The following ATP2A3 variants were observed in gnomAD, a reference collection of about 807,000 sequenced individuals.
ATP2A3 encodes the protein sarcoplasmic/endoplasmic reticulum calcium ATPase 3.
A neutral mutation model predicts 106.8 loss-of-function variants in ATP2A3; 61 were observed. That is an observed-to-expected ratio of 0.57 (90% CI 0.46 to 0.71). ATP2A3 has a LOEUF of 0.71. Ranked by LOEUF, ATP2A3 falls within the 30% of genes least tolerant of loss-of-function variation. The pLI is 0.00. For missense variants in ATP2A3, 1,201 were observed against 1,423.5 expected (o/e 0.84, Z 2.52); for synonymous variants, 611 against 609.3 (o/e 1.00, Z -0.04).
chr17:3,927,079 A>G (rs1234919155), intron 20 of ATP2A3: 1 of 985,288 alleles, frequency 1.0e-6, no homozygotes, highest in African/African-American at 1.7e-5. Flanking sequence ...CACCAGGTTC[A>G]ATCCTGTTCT....
At position 3,955,014 on chromosome 17, in the gene ATP2A3, G is replaced by A. The variant is rs1324100143; in HGVS notation, c.119-1304C>T. Among the ~76,000 whole-genome samples the A allele has an allele frequency of 1.3e-5, 2 of 152,206 alleles. No homozygotes were observed. The highest frequency in any genetic ancestry group is 3.9e-4 in the East Asian group (2 of 5,188). Reference sequence around the variant, plus strand: ...AGTGAGTGGGTCTGTGTGGGGATGAGAGGGGCGGGAGCCAGGCTCTGCAGG... The same window carrying A: ...AGTGAGTGGGTCTGTGTGGGGATGAAAGGGGCGGGAGCCAGGCTCTGCAGG... On this transcript the variant is annotated intron_variant, in intron 1 of 20. Coordinates refer to ENST00000397041, the MANE Select transcript of ATP2A3 (RefSeq NM_005173.4). This position sits in a 1 kb window ranked among gnomAD's most constrained non-coding sequence, Gnocchi z 4.2.
chr17:3,962,063 A>G (rs1177571735), intron 1 of ATP2A3, among the ~76,000 whole-genome samples: 4 of 152,144 alleles, frequency 2.6e-5, no homozygotes, highest in Admixed American at 2.0e-4. Context: ...CCCAGCCCCA[A>G]TCAGTGATCT....
chr17:3,947,456 A>C lies in ATP2A3; in HGVS notation c.1030T>G (p.Cys344Gly). Residue 344 changes from cysteine (C) to glycine (G), a missense_variant, in exon 8 of 21, where the codon TGC (cysteine) becomes GGC (glycine). Around this residue, in one of 2 missense-constraint regions of ATP2A3, gnomAD observed 935 missense variants for 1,176.7 expected, o/e 0.79. Transcript: ENST00000397041. The surrounding 1 kb of genome is among the most constrained non-coding windows in gnomAD (Gnocchi z 7.7). Reference protein sequence around the residue: ...RSLPSVETLGCTSVICSDKTG... With the variant: ...RSLPSVETLGGTSVICSDKTG... The stretch of plus-strand genomic sequence containing the variant: ...TTGTCGGAGCAGATGACTGAGGTGC[A>C]GCCCAGGGTCTCCACGGACGGCAGG... 1 of 1,613,918 alleles carries C rather than the reference A, an allele frequency of 6.2e-7. No individual in the cohort carries two copies. The highest frequency in any genetic ancestry group is 1.1e-5 in the South Asian group (1 of 91,092).
intron 7 of ATP2A3, among the ~76,000 whole-genome samples, chr17:3,948,455 T>C (rs1039027214): frequency 6.6e-6 from 1 of 152,168 alleles, no homozygotes; most frequent in Admixed American, 6.5e-5. Context: ...CTGTTGGGGC[T>C]GGCGAGAAGG....
At chr17:3,940,949 G>A in intron 14 of ATP2A3, 22 bp downstream of exon 14, 1 of 1,613,676 alleles carries the variant, frequency 6.2e-7, no homozygotes, top group Non-Finnish European at 8.5e-7. Context: ...CCCCCTCCTG[G>A]GGCTCCAGGC....
At chr17:3,932,117 A>G (rs1421533144) in intron 17 of ATP2A3, among the ~76,000 whole-genome samples, 2 of 149,324 alleles carry the variant, frequency 1.3e-5, no homozygotes, top group Admixed American at 1.3e-4. Context: ...GCAAGTGGAT[A>G]TGTCTTGTTT....
Position 3,936,936 on chromosome 17 carries a change from C to T in ATP2A3, c.2322-467G>A, listed in dbSNP as rs6502758. 0.17 allele frequency: 56,543 copies of T among 324,086 alleles called. 5,284 individuals are homozygous for T. The highest frequency in any genetic ancestry group is 0.23 in the Middle Eastern group (204 of 902). The allele number at this position is 324,086 out of a possible 1,614,324, so 20.1% of individuals were successfully genotyped here. On this transcript the variant is annotated intron_variant, in intron 15 of 20. Coordinates refer to ENST00000397041, the MANE Select transcript of ATP2A3 (RefSeq NM_005173.4). The surrounding 1 kb of genome is among the most constrained non-coding windows in gnomAD (Gnocchi z 5.4). Reference sequence around the variant, plus strand: ...CCACAGGCATCCTCACATGTGAATACGAGTGTGTGCACAGTCACACGCCGG... The same window carrying T: ...CCACAGGCATCCTCACATGTGAATATGAGTGTGTGCACAGTCACACGCCGG...
chr17:3,964,239 A>C lies in ATP2A3; in HGVS notation c.53T>G (p.Val18Gly), dbSNP rs2144824949. Reference protein sequence around the residue: ...PAADVLRHFSVTAEGGLSPAQ... With the variant: ...PAADVLRHFSGTAEGGLSPAQ... Reference sequence around the variant, plus strand: ...CGGGCTCAGGCCGCCCTCGGCTGTCACCGAGAAGTGGCGCAGCACGTCGGC... The same window carrying C: ...CGGGCTCAGGCCGCCCTCGGCTGTCCCCGAGAAGTGGCGCAGCACGTCGGC... Residue 18 changes from valine to glycine, a missense_variant, in exon 1 of 21, where the codon GTG becomes GGG. Coordinates refer to ENST00000397041, the MANE Select transcript of ATP2A3 (RefSeq NM_005173.4). 1.2e-5 allele frequency: 16 copies of C among 1,284,034 alleles called. No individual in the cohort carries two copies. The highest frequency in any genetic ancestry group is 1.5e-5 in the Non-Finnish European group (15 of 1,003,902). 79.5% of individuals were successfully genotyped at this position (1,284,034 alleles called of 1,614,324 possible).
chr17:3,938,489 TG>T (rs376899853), intron 14 of ATP2A3, among the ~76,000 whole-genome samples: 37 of 151,392 alleles, frequency 2.4e-4, no homozygotes, highest in African/African-American at 8.7e-4. Context: ...ACATTGGGGG[TG>T]GGGCAGTGTC....
At position 3,951,632 on chromosome 17, in the gene ATP2A3, G is replaced by C; in HGVS notation, c.273C>G (p.Pro91=). Reference sequence around the variant, plus strand: ...CCACGAGGATCAGCATGATGACCAGGGGCTCCACGAAGGCGGTCGTGGTCT... The same window carrying C: ...CCACGAGGATCAGCATGATGACCAGCGGCTCCACGAAGGCGGTCGTGGTCT... ...GEETTTAFVE[P]LVIMLILVAN... Residue 91 remains proline, a synonymous_variant, in exon 4 of 21, where the codon CCC becomes CCG. Coordinates refer to ENST00000397041, the MANE Select transcript of ATP2A3 (RefSeq NM_005173.4). 6.2e-7 allele frequency: 1 copy of C among 1,606,836 alleles called. No homozygotes were observed. Among genetic ancestry groups the C allele is most frequent in the Non-Finnish European group, 8.5e-7 (1 of 1,176,434 alleles).
intron 14 of ATP2A3, 141 bp downstream of exon 14, chr17:3,940,830 C>A (rs1044548829): frequency 5.3e-6 from 6 of 1,122,498 alleles, no homozygotes; most frequent in Middle Eastern, 2.0e-4. Context: ...ATTTAAATTT[C>A]TTTTTGTATT....
chr17:3,925,631 G>T lies in ATP2A3; in HGVS notation c.2981-190C>A, dbSNP rs73328984. ...CAAGCTGCATCCAGGATCCATCCCCGCAACGTCCCCCACGCCTCCTTCACT... is the reference window on the plus strand; with the variant it reads ...CAAGCTGCATCCAGGATCCATCCCCTCAACGTCCCCCACGCCTCCTTCACT... On this transcript the variant is annotated intron_variant, in intron 20 of 20. Transcript: ENST00000397041. This position sits in a 1 kb window ranked among gnomAD's most constrained non-coding sequence, Gnocchi z 4.2. 1.7e-5 allele frequency among the ~76,000 whole-genome samples: 2 copies of T among 118,908 alleles called. No individual in the cohort carries two copies. The highest frequency in any genetic ancestry group is 6.5e-5 in the African/African-American group (2 of 30,798). The allele number at this position is 118,908 out of a possible 152,430, so 78.0% of individuals were successfully genotyped here.
Position 3,930,435 on chromosome 17 carries a change from C to A in ATP2A3, c.2611-1G>T. On this transcript the variant is annotated splice_acceptor_variant, in intron 17 of 20. Coordinates refer to ENST00000397041, the MANE Select transcript of ATP2A3 (RefSeq NM_005173.4). LOFTEE classifies it high-confidence loss of function. This position sits in a 1 kb window ranked among gnomAD's most constrained non-coding sequence, Gnocchi z 5.4. ...CTTCGGAGCACTTCAGGAAGTTCCT[C>A]TGGGGGCACCGTGGCAGGTCAGAGA... 1 of 1,613,834 alleles carries A rather than the reference C, an allele frequency of 6.2e-7. No individual in the cohort carries two copies. The highest frequency in any genetic ancestry group is 8.5e-7 in the Non-Finnish European group (1 of 1,180,012).
chr17:3,926,938 G>A lies in ATP2A3; in HGVS notation c.2981-1497C>T, dbSNP rs532220038. 115 of 985,388 alleles carry A rather than the reference G, an allele frequency of 1.2e-4. No homozygotes were observed. The African/African-American group carries it at 1.9e-3, about 16-fold the overall frequency. 61.0% of individuals were successfully genotyped at this position (985,388 alleles called of 1,614,324 possible). A position where few individuals can be genotyped will look rare whatever the true frequency, so the allele number is the denominator to read the frequency against. On this transcript the variant is annotated intron_variant, in intron 20 of 20. Coordinates refer to ENST00000397041, the MANE Select transcript of ATP2A3 (RefSeq NM_005173.4). The surrounding 1 kb of genome is among the most constrained non-coding windows in gnomAD (Gnocchi z 4.6). ...TCCGCACCGTGCTTACACTCCTCCC[G>A]TGCTTCCCCACTGCCCTGAGGACAA...
chr17:3,941,811 G>A (rs150246908), intron 12 of ATP2A3, among the ~76,000 whole-genome samples, 157 bp from the exon 13 acceptor site: 2 of 152,324 alleles, frequency 1.3e-5, no homozygotes, highest in African/African-American at 4.8e-5. Flanking sequence ...TGAAAGTTCA[G>A]AATGAGAACC....
chr17:3,951,546 G>GGCCCCCCCCCCCCGGGCCCCC, intron 4 of ATP2A3, 35 bp downstream of exon 4: 1 of 1,319,570 alleles, frequency 7.6e-7, no homozygotes, highest in Non-Finnish European at 1.0e-6. Flanking sequence ...CTGGGAGACC[G>GGCCCCCCCCCCCCGGGCCCCC]CCCCCCGCCC....
In ATP2A3 at chr17:3,930,499, G is replaced by C; in HGVS notation, c.2611-65C>G. The C allele has an allele frequency of 2.5e-6, 4 of 1,604,016 alleles. No individual in the cohort carries two copies. Among genetic ancestry groups the C allele is most frequent in the Non-Finnish European group, 3.4e-6 (4 of 1,177,240 alleles). On this transcript the variant is annotated intron_variant, in intron 17 of 20. Transcript: ENST00000397041. This position sits in a 1 kb window ranked among gnomAD's most constrained non-coding sequence, Gnocchi z 5.4. ...GGCGAGGGGCTGGTGGGTGGGAGGA[G>C]GGAAGCCTCATCCTGCCCTTGGCCC...
chr17:3,939,795 A>T (rs2053640876), intron 14 of ATP2A3, among the ~76,000 whole-genome samples: 1 of 149,292 alleles, frequency 6.7e-6, no homozygotes, highest in African/African-American at 2.5e-5. Context: ...CTAAAAAAAA[A>T]AAAAAAAAAA....
At position 3,947,562 on chromosome 17, in the gene ATP2A3, G is replaced by T. The variant is rs376019481; in HGVS notation, c.924C>A (p.Pro308=). ...IAVALAVAAI[P]EGLPAVITTC... ...TAGTGATGACAGCCGGGAGGCCCTC[G>T]GGGATGGCCGCCACCGCCAGGGCCA... Residue 308 remains proline (P), a synonymous_variant, in exon 8 of 21, where the codon CCC becomes CCA. Coordinates refer to ENST00000397041, the MANE Select transcript of ATP2A3 (RefSeq NM_005173.4). The surrounding 1 kb of genome is among the most constrained non-coding windows in gnomAD (Gnocchi z 7.7). 1.2e-6 allele frequency: 2 copies of T among 1,612,772 alleles called. No individual in the cohort carries two copies. The highest frequency in any genetic ancestry group is 2.7e-5 in the African/African-American group (2 of 74,946).
Sources: gnomAD v4.1 joint callset for allele counts (sites outside exome capture counted in the v4.1 genomes callset) on GRCh38, gnomAD v4.1.1 for gene constraint, gnomAD v4.1.1 regional missense constraint, Gnocchi (gnomAD v3.1) non-coding constraint, MANE v1.5 for transcripts, NCBI Gene and HGNC (gene_info 2026-07-23, HGNC 2026-07-21) for gene names.